The following GRSF1 variants were observed in gnomAD, a reference collection of about 807,000 sequenced individuals.
GRSF1 encodes the protein G-rich sequence factor 1.
In GRSF1, 50 loss-of-function variants were observed where a neutral mutation model predicts 51.1. That is an observed-to-expected ratio of 0.98 (90% CI 0.78 to 1.24). The LOEUF is 1.24. Among genes scored for constraint, GRSF1 ranks in the 50% most tolerant of loss-of-function variants. The pLI is 0.00. For synonymous variants in GRSF1, 293 were observed against 253.3 expected (o/e 1.16, Z -1.49); for missense variants, 700 against 639.7 (o/e 1.09, Z -1.02).
At chr4:70,830,446 TAA>T (rs75517390) in intron 5 of GRSF1, among the ~76,000 whole-genome samples, 18 of 124,764 alleles carry the variant, frequency 1.4e-4, no homozygotes, top group Non-Finnish European at 1.4e-4. Context: ...CCCTGTGTCT[TAA>T]AAAAAAAAAA....
At chr4:70,824,647 G>C (rs181788899) in intron 8 of GRSF1, among the ~76,000 whole-genome samples, 1,654 of 152,212 alleles carry the variant, frequency 0.011, 27 homozygotes, top group African/African-American at 0.038. Context: ...AGCCAGTGTG[G>C]TGGTGGGTGC....
Position 70,824,344 on chromosome 4 carries a change from A to T in GRSF1, c.1418T>A (p.Leu473Gln). 1 of 1,492,128 alleles carries T rather than the reference A, an allele frequency of 6.7e-7. No individual in the cohort carries two copies. Among genetic ancestry groups the T allele is most frequent in the Non-Finnish European group, 9.3e-7 (1 of 1,079,506 alleles). 92.4% of individuals were successfully genotyped at this position (1,492,128 alleles called of 1,614,324 possible). The change falls in exon 9 of 10, where the codon CTG (leucine) becomes CAG (glutamine). Residue 473 changes from leucine to glutamine, a missense_variant. Coordinates refer to ENST00000254799, the MANE Select transcript of GRSF1 (RefSeq NM_002092.4). ...HVHHRYIELF[L>Q]NSCPKGK ...TTATTTTCCTTTTGGACATGAATTCAGGAACAGTTCAATATACCTATGATC... is the reference window on the plus strand; with the variant it reads ...TTATTTTCCTTTTGGACATGAATTCTGGAACAGTTCAATATACCTATGATC...
Position 70,817,873 on chromosome 4 carries a change from T to G in GRSF1, c.*3014A>C, listed in dbSNP as rs1733370797. 1.3e-5 allele frequency: 2 copies of G among 152,220 alleles called. No homozygotes were observed. Among genetic ancestry groups the G allele is most frequent in the Non-Finnish European group, 2.9e-5 (2 of 68,030 alleles). The allele number at this position is 152,220 out of a possible 1,614,324, so 9.4% of individuals were successfully genotyped here. A position where few individuals can be genotyped will look rare whatever the true frequency, so the allele number is the denominator to read the frequency against. On this transcript the variant is annotated 3_prime_UTR_variant, in exon 10 of 10. Transcript: ENST00000254799. Reference sequence around the variant, plus strand: ...CAGATTCTCTTCTAATTTGCTGAACTTGGGGAGTGGGAGGGTAATGTATTT... The same window carrying G: ...CAGATTCTCTTCTAATTTGCTGAACGTGGGGAGTGGGAGGGTAATGTATTT...
At chr4:70,838,609 A>T (rs1230157307) in intron 1 of GRSF1, among the ~76,000 whole-genome samples, 1 of 152,254 alleles carries the variant, frequency 6.6e-6, no homozygotes, top group Non-Finnish European at 1.5e-5. Context: ...GTAGTTAAAA[A>T]GTGTGCAGAC....
rs756177950 is a variant in GRSF1 at position 70,831,669 on chromosome 4, T to G, written c.820A>C (p.Asn274His). The change falls in exon 5 of 10, where the codon AAT becomes CAT. Residue 274 changes from asparagine (N) to histidine (H), a missense_variant. Coordinates refer to ENST00000254799, the MANE Select transcript of GRSF1 (RefSeq NM_002092.4). ...KDIVDFFAGLNIVDITFVMDY... is the reference protein window; with the variant it reads ...KDIVDFFAGLHIVDITFVMDY... ...ATCACAAAAGTAATGTCAACTATATTCAGTCCTAGGACACCAAGAGATTTT... is the reference window on the plus strand; with the variant it reads ...ATCACAAAAGTAATGTCAACTATATGCAGTCCTAGGACACCAAGAGATTTT... 6.2e-6 allele frequency: 10 copies of G among 1,612,652 alleles called. No homozygotes were observed. The highest frequency in any genetic ancestry group is 8.5e-6 in the Non-Finnish European group (10 of 1,179,334).
intron 5 of GRSF1, among the ~76,000 whole-genome samples, chr4:70,829,862 G>C (rs1560597911): frequency 6.6e-6 from 1 of 152,022 alleles, no homozygotes; most frequent in Non-Finnish European, 1.5e-5. Flanking sequence ...CACTGGCTTT[G>C]GAATGGCTGT....
chr4:70,836,283 G>A lies in GRSF1; in HGVS notation c.389C>T (p.Pro130Leu), dbSNP rs536355490. The change falls in exon 2 of 10, where the codon CCA becomes CTA. Residue 130 changes from proline to leucine, a missense_variant. Physicochemically the swap from Pro to Leu is moderately conservative, Grantham distance 98 (BLOSUM62 -3). Transcript: ENST00000254799. ...ESKTTYLEDLPPPPEYELAPS... is the reference protein window; with the variant it reads ...ESKTTYLEDLLPPPEYELAPS... ...GGCCAATTCATACTCAGGGGGTGGT[G>A]GAAGGTCTTCCAGGTAAGTAGTTTT... 6 of 1,595,532 alleles carry A rather than the reference G, an allele frequency of 3.8e-6. No homozygotes were observed. Among genetic ancestry groups the A allele is most frequent in the African/African-American group, 1.4e-5 (1 of 73,850 alleles).
rs370405917 is a variant in GRSF1, at chr4:70,823,726, T to A, written c.*25+568A>T. ...CTCTACAAAAAATTAAAAAATTAGGTAGGCATGGTAGTACACACCTGTAGT... is the reference window on the plus strand; with the variant it reads ...CTCTACAAAAAATTAAAAAATTAGGAAGGCATGGTAGTACACACCTGTAGT... On this transcript the variant is annotated intron_variant, in intron 9 of 9. Transcript: ENST00000254799. Among the ~76,000 whole-genome samples the A allele has an allele frequency of 3.1e-4, 47 of 151,772 alleles. No individual in the cohort carries two copies. In the South Asian group the frequency reaches 9.6e-3, roughly 31 times the overall value.
In GRSF1 at chr4:70,826,110, T is replaced by C. The variant is rs772873423; in HGVS notation, c.1257+14A>G. 5 of 1,603,740 alleles carry C rather than the reference T, an allele frequency of 3.1e-6. No individual in the cohort carries two copies. The Admixed American group carries it at 8.6e-5, about 27-fold the overall frequency. On this transcript the variant is annotated intron_variant, in intron 7 of 9. Transcript: ENST00000254799. ...TTCAAATCTATTGAGATTGGATATCTTACTGCCACACACGTTTATAATGTC... is the reference window on the plus strand; with the variant it reads ...TTCAAATCTATTGAGATTGGATATCCTACTGCCACACACGTTTATAATGTC...
At chr4:70,825,704 A>C (rs1733708277) in intron 7 of GRSF1, 1 of 306,956 alleles carries the variant, frequency 3.3e-6, no homozygotes. Flanking sequence ...GGCCGAGGAC[A>C]GTGGATCGCT....
chr4:70,837,363 G>A (rs1734256544), intron 1 of GRSF1, among the ~76,000 whole-genome samples: 3 of 151,972 alleles, frequency 2.0e-5, no homozygotes, highest in Admixed American at 2.0e-4. Context: ...AGGAGTTCAA[G>A]ACCAGCCTGG....
chr4:70,839,572 C>T lies in GRSF1; in HGVS notation c.256G>A (p.Ala86Thr). 1 of 1,421,886 alleles carries T rather than the reference C, an allele frequency of 7.0e-7. No homozygotes were observed. The highest frequency in any genetic ancestry group is 1.4e-5 in the South Asian group (1 of 69,696). 88.1% of individuals were successfully genotyped at this position (1,421,886 alleles called of 1,614,324 possible). A position where few individuals can be genotyped will look rare whatever the true frequency, so the allele number is the denominator to read the frequency against. ...TAGGACGCGGCGGCCGCGGCCGCGG[C>T]AGAGGTGGCCACAGCGGGAGGCCCC... ...LAGPPAVATS[A>T]AAAAAASYSA... Residue 86 changes from alanine (A) to threonine (T), a missense_variant, in exon 1 of 10, where the codon GCC (alanine) becomes ACC (threonine). Coordinates refer to ENST00000254799, the MANE Select transcript of GRSF1 (RefSeq NM_002092.4).
rs1318207635 is a variant in GRSF1 at position 70,820,020 on chromosome 4, T to C, written c.*867A>G. ...TAAAAAGCAAATGAGGAGACTGATTTTTTTCCTATCTAGAGCTGGTTTAAA... is the reference window on the plus strand; with the variant it reads ...TAAAAAGCAAATGAGGAGACTGATTCTTTTCCTATCTAGAGCTGGTTTAAA... On this transcript the variant is annotated 3_prime_UTR_variant, in exon 10 of 10. Transcript: ENST00000254799. 6.6e-6 allele frequency: 1 copy of C among 152,514 alleles called. No individual in the cohort carries two copies. Among genetic ancestry groups the C allele is most frequent in the African/African-American group, 2.4e-5 (1 of 41,466 alleles). 9.4% of individuals were successfully genotyped at this position (152,514 alleles called of 1,614,324 possible). A position where few individuals can be genotyped will look rare whatever the true frequency, so the allele number is the denominator to read the frequency against.
Position 70,825,838 on chromosome 4 carries a change from G to A in GRSF1, c.1257+286C>T, listed in dbSNP as rs186863497. 313 of 331,518 alleles carry A rather than the reference G, an allele frequency of 9.4e-4. 1 individual carries two copies. The highest frequency in any genetic ancestry group is 2.3e-3 in the African/African-American group (103 of 44,608). 20.5% of individuals were successfully genotyped at this position (331,518 alleles called of 1,614,324 possible). A position where few individuals can be genotyped will look rare whatever the true frequency, so the allele number is the denominator to read the frequency against. On this transcript the variant is annotated intron_variant, in intron 7 of 9. Coordinates refer to ENST00000254799, the MANE Select transcript of GRSF1 (RefSeq NM_002092.4). ...TCCCAGCTACTCGGTAGACCAAGGCGGAAGAAATGCTTGAACCCGGGAGGC... is the reference window on the plus strand; with the variant it reads ...TCCCAGCTACTCGGTAGACCAAGGCAGAAGAAATGCTTGAACCCGGGAGGC...
intron 8 of GRSF1, among the ~76,000 whole-genome samples, chr4:70,825,084 A>C (rs1349159240): frequency 6.7e-6 from 1 of 149,742 alleles, no homozygotes; most frequent in Non-Finnish European, 1.5e-5. Context: ...CGTGGGTGAC[A>C]AAAAAAAAAG....
intron 5 of GRSF1, among the ~76,000 whole-genome samples, chr4:70,828,830 T>G (rs1733840464): frequency 6.6e-6 from 1 of 150,886 alleles, no homozygotes; most frequent in Non-Finnish European, 1.5e-5. Context: ...CTCTGCCTCC[T>G]GGGTTCAAGC....
At chr4:70,839,901 G>C (rs1027894991), upstream of GRSF1, 20 of 1,369,224 alleles carry the variant, frequency 1.5e-5, no homozygotes, top group Middle Eastern at 5.2e-4. Context: ...GGAATCCAGG[G>C]CCGGTTGGGG....
At chr4:70,835,052 T>C (rs543324511) in intron 2 of GRSF1, among the ~76,000 whole-genome samples, 24 of 152,310 alleles carry the variant, frequency 1.6e-4, no homozygotes, top group Admixed American at 4.6e-4. Flanking sequence ...AGTATTAAGT[T>C]TAATGTTCCA....
At chr4:70,834,955 C>A (rs1226803053) in intron 2 of GRSF1, among the ~76,000 whole-genome samples, 1 of 152,070 alleles carries the variant, frequency 6.6e-6, no homozygotes, top group Non-Finnish European at 1.5e-5. Context: ...CTCCCCAACC[C>A]TCAAGTTGGC....
Sources: gnomAD v4.1 joint callset for allele counts (sites outside exome capture counted in the v4.1 genomes callset) on GRCh38, gnomAD v4.1.1 for gene constraint, MANE v1.5 for transcripts, NCBI Gene and HGNC (gene_info 2026-07-23, HGNC 2026-07-21) for gene names.